RGPD2: variants seen among roughly 807,000 people sequenced by gnomAD.
RGPD2 encodes RANBP2 like and GRIP domain containing 2, also known as RANBP2-like and GRIP domain-containing protein 2.
Under a neutral mutation model 36.0 loss-of-function variants are expected in RGPD2, and 2 were observed. The ratio of observed to expected loss-of-function variants is 0.06; its 90% CI spans 0.02 to 0.17. The LOEUF (loss-of-function observed/expected upper bound fraction) is 0.17. Among genes scored for constraint, RGPD2 ranks in the 10% least tolerant of loss-of-function variants. RGPD2 has a pLI of 1.00. For synonymous variants in RGPD2, 19 were observed against 163.8 expected, an observed-to-expected ratio of 0.12 and a Z score of 6.75; for missense variants, 40 against 464.3, an observed-to-expected ratio of 0.09 and a Z score of 8.40.
At chr2:87,902,618 TA>T in the RGPD2 span, among the ~76,000 whole-genome samples, 40 of 143,958 alleles carry the variant, frequency 2.8e-4, no homozygotes, top group African/African-American at 5.2e-5. Context: ...TGCACCCTTG[TA>T]AAGCATGGTT....
the RGPD2 span, among the ~76,000 whole-genome samples, chr2:87,982,197 T>C: frequency 3.1e-5 from 1 of 31,976 alleles, no homozygotes; most frequent in African/African-American, 5.6e-5. Context: ...AACCCTGTTA[T>C]ATGCTCCTAT....
the RGPD2 span, among the ~76,000 whole-genome samples, chr2:87,884,505 G>A: frequency 6.6e-6 from 1 of 151,918 alleles, no homozygotes; most frequent in Admixed American, 6.6e-5. Context: ...GAGAATAAGA[G>A]TTGGCTTTTT....
the RGPD2 span, among the ~76,000 whole-genome samples, chr2:87,839,483 A>G: frequency 6.6e-6 from 1 of 152,072 alleles, no homozygotes; most frequent in Non-Finnish European, 1.5e-5. Context: ...ATGCACTCAT[A>G]TGTTCTTCAC....
the RGPD2 span, among the ~76,000 whole-genome samples, chr2:87,863,908 G>A: frequency 6.6e-6 from 1 of 151,962 alleles, no homozygotes; most frequent in Non-Finnish European, 1.5e-5. Flanking sequence ...TCTCTTGTGT[G>A]GAGATCAATG....
chr2:87,855,234 G>T, the RGPD2 span, among the ~76,000 whole-genome samples: 1 of 152,076 alleles, frequency 6.6e-6, no homozygotes, highest in South Asian at 2.1e-4. Flanking sequence ...CCACTCATTT[G>T]TGTAAATATC....
the RGPD2 span, among the ~76,000 whole-genome samples, chr2:87,980,106 T>C: frequency 6.6e-6 from 1 of 152,034 alleles, no homozygotes; most frequent in Non-Finnish European, 1.5e-5. Context: ...TCCCAGCACT[T>C]TGGGACACCA....
the RGPD2 span, among the ~76,000 whole-genome samples, chr2:87,877,313 T>C: frequency 1.3e-5 from 2 of 152,250 alleles, no homozygotes; most frequent in African/African-American, 2.4e-5. Context: ...GTCTTTGTAC[T>C]TCAGTGTGTT....
the RGPD2 span, among the ~76,000 whole-genome samples, chr2:87,864,609 GAT>G: frequency 8.0e-6 from 1 of 125,228 alleles, no homozygotes; most frequent in Non-Finnish European, 1.9e-5. Context: ...TAGATAGATA[GAT>G]AGATAGATAG....
chr2:87,847,212 C>A, the RGPD2 span, among the ~76,000 whole-genome samples: 2 of 151,938 alleles, frequency 1.3e-5, no homozygotes, highest in African/African-American at 4.8e-5. Context: ...AGCGTAAAAC[C>A]TTTTTCTAAC....
chr2:87,809,518 A>C (rs1686081300), intron 6 of RGPD2, among the ~76,000 whole-genome samples: 1 of 135,178 alleles, frequency 7.4e-6, no homozygotes, highest in African/African-American at 2.7e-5. Flanking sequence ...AATACAAAAA[A>C]ATTAGCCGAG....
chr2:87,921,325 G>T, the RGPD2 span, among the ~76,000 whole-genome samples: 1 of 152,082 alleles, frequency 6.6e-6, no homozygotes, highest in African/African-American at 2.4e-5. Flanking sequence ...TTCTAGAGCC[G>T]GTCCCTGGAC....
At chr2:87,807,380 GTT>G (rs992462711) in intron 6 of RGPD2, among the ~76,000 whole-genome samples, 16 of 81,960 alleles carry the variant, frequency 2.0e-4, no homozygotes, top group African/African-American at 5.8e-4. Flanking sequence ...GCGTTAAATT[GTT>G]TTTTTTTTTT....
intron 1 of RGPD2, chr2:87,824,862 GGCCGCCGCC>G (rs533529835): frequency 8.0e-4 from 30 of 37,510 alleles, no homozygotes; most frequent in Admixed American, 2.5e-3. Flanking sequence ...CCGAGGCCGA[GGCCGCCGCC>G]GCCGCCGCCG....
the RGPD2 span, among the ~76,000 whole-genome samples, chr2:87,836,987 G>T: frequency 6.6e-6 from 1 of 151,956 alleles, no homozygotes; most frequent in Non-Finnish European, 1.5e-5. Context: ...GGACAGAGAA[G>T]AGCGTTACAT....
At chr2:87,836,820 A>G in the RGPD2 span, among the ~76,000 whole-genome samples, 1 of 152,122 alleles carries the variant, frequency 6.6e-6, no homozygotes, top group Non-Finnish European at 1.5e-5. Context: ...ACATAACTGT[A>G]TACTGCCTTC....
chr2:87,860,355 A>T, the RGPD2 span, among the ~76,000 whole-genome samples: 1 of 151,662 alleles, frequency 6.6e-6, no homozygotes. Context: ...TTCTTTTTTA[A>T]GGGCACTGAT....
At chr2:87,972,805 C>A in the RGPD2 span, 6 of 1,611,684 alleles carry the variant, frequency 3.7e-6, 1 homozygote, top group Admixed American at 1.0e-4. Context: ...CTGGCTGCTG[C>A]ACCTACTACT....
the RGPD2 span, among the ~76,000 whole-genome samples, chr2:87,976,610 GTGAGA>G: frequency 1.3e-5 from 2 of 152,140 alleles, no homozygotes; most frequent in Non-Finnish European, 2.9e-5. Flanking sequence ...GGTTGTATTT[GTGAGA>G]TCTCAGACAA....
the RGPD2 span, chr2:87,985,590 A>G: frequency 1.2e-6 from 1 of 813,888 alleles, no homozygotes; most frequent in African/African-American, 1.7e-5. Flanking sequence ...TACAACATAT[A>G]GATACAATAA....
Sources: gnomAD v4.1 joint callset for allele counts (sites outside exome capture counted in the v4.1 genomes callset) on GRCh38, gnomAD v4.1.1 for gene constraint, MANE v1.5 for transcripts, NCBI Gene and HGNC (gene_info 2026-07-23, HGNC 2026-07-21) for gene names.